ARHGEF33: variants seen among roughly 807,000 people sequenced by gnomAD.
ARHGEF33 encodes Rho guanine nucleotide exchange factor 33.
ARHGEF33 carries 72 observed loss-of-function variants against 101.9 expected under a neutral mutation model. That is an observed-to-expected ratio of 0.71 (90% CI 0.58 to 0.86). The LOEUF is 0.86. Among genes scored for constraint, ARHGEF33 ranks in the 40% least tolerant of loss-of-function variants. The pLI, the probability that ARHGEF33 is intolerant of heterozygous loss-of-function variation, is 0.00. For missense variants in ARHGEF33, 1,169 were observed against 1,111.3 expected, an observed-to-expected ratio of 1.05 and a Z score of -0.74; for synonymous variants, 499 against 442.5, an observed-to-expected ratio of 1.13 and a Z score of -1.60.
At chr2:38,905,763 G>A (rs1666373447) in intron 2 of ARHGEF33, among the ~76,000 whole-genome samples, 2 of 152,240 alleles carry the variant, frequency 1.3e-5, no homozygotes, top group African/African-American at 4.8e-5. Flanking sequence ...AGGAAATGGT[G>A]TGGGGCAGCG....
At chr2:38,904,779 G>A (rs1001745474) in intron 2 of ARHGEF33, among the ~76,000 whole-genome samples, 2 of 151,268 alleles carry the variant, frequency 1.3e-5, no homozygotes, top group Non-Finnish European at 2.9e-5. Flanking sequence ...AGGAACAAAA[G>A]ATCATGTAAG....
rs910147350 is a variant in ARHGEF33, at chr2:38,975,156, T to G, written c.*1313T>G. The stretch of plus-strand genomic sequence containing the variant: ...GATAAAATAGGCAAAGGTTCACATG[T>G]AAGTGTTGCAAGTTTTCTTCTCCTT... On this transcript the variant is annotated 3_prime_UTR_variant, in exon 18 of 18. Coordinates refer to ENST00000409978, the MANE Select transcript of ARHGEF33 (RefSeq NM_001145451.5). 1 of 152,218 alleles carries G rather than the reference T, an allele frequency of 6.6e-6. No individual in the cohort carries two copies. Among genetic ancestry groups the G allele is most frequent in the African/African-American group, 2.4e-5 (1 of 41,458 alleles). 9.4% of individuals were successfully genotyped at this position (152,218 alleles called of 1,614,324 possible). A position where few individuals can be genotyped will look rare whatever the true frequency, so the allele number is the denominator to read the frequency against.
At chr2:38,953,847 TG>T (rs1667673509) in intron 12 of ARHGEF33, among the ~76,000 whole-genome samples, 1 of 152,208 alleles carries the variant, frequency 6.6e-6, no homozygotes, top group Non-Finnish European at 1.5e-5. Flanking sequence ...CCCAGTATAA[TG>T]CCTACCATGT....
chr2:38,894,670 A>G (rs936555492), intron 1 of ARHGEF33, among the ~76,000 whole-genome samples: 4 of 152,190 alleles, frequency 2.6e-5, no homozygotes, highest in Non-Finnish European at 5.9e-5. Flanking sequence ...GCCAGCAGGA[A>G]CGAGGAATGG....
At position 38,967,552 on chromosome 2, in the gene ARHGEF33, A is replaced by G. The variant is rs547706613; in HGVS notation, c.2483+1407A>G. On this transcript the variant is annotated intron_variant, in intron 17 of 17. Transcript: ENST00000409978. ...GGGGTGGGAGAACCTGGAAACAGAC[A>G]CCTCTCCAGCCCACCCTGATTTAGA... Among the ~76,000 whole-genome samples the G allele has an allele frequency of 2.6e-5, 4 of 151,994 alleles. No homozygotes were observed. In the East Asian group the frequency reaches 7.7e-4, roughly 29 times the overall value.
chr2:38,959,776 A>G (rs1667865710), intron 15 of ARHGEF33, 65 bp from the exon 16 acceptor site: 1 of 1,439,488 alleles, frequency 6.9e-7, no homozygotes, highest in African/African-American at 1.4e-5. Context: ...GGGCGCCGGC[A>G]GGCGAGAGGC....
chr2:38,953,118 C>T, intron 11 of ARHGEF33, 44 bp from the exon 12 acceptor site: 1 of 875,822 alleles, frequency 1.1e-6, no homozygotes, highest in South Asian at 1.4e-5. Flanking sequence ...ATTATAGATC[C>T]TGTTTTCAGG....
At chr2:38,945,347 T>C (rs746320708) in intron 10 of ARHGEF33, among the ~76,000 whole-genome samples, 9 of 152,324 alleles carry the variant, frequency 5.9e-5, no homozygotes, top group African/African-American at 2.2e-4. Context: ...CACTACTCCC[T>C]GACAAACCCA....
intron 2 of ARHGEF33, among the ~76,000 whole-genome samples, chr2:38,906,502 G>A (rs1666394990): frequency 6.6e-6 from 1 of 152,112 alleles, no homozygotes; most frequent in Non-Finnish European, 1.5e-5. Context: ...ACTAATTTGT[G>A]GGGTTCAGTA....
intron 2 of ARHGEF33, among the ~76,000 whole-genome samples, chr2:38,899,564 G>T (rs1486717511): frequency 1.3e-5 from 2 of 152,036 alleles, no homozygotes; most frequent in African/African-American, 4.8e-5. Context: ...ATGGGTGAGG[G>T]GGTGGAATGG....
At chr2:38,950,002 C>T (rs951555529) in intron 10 of ARHGEF33, among the ~76,000 whole-genome samples, 1 of 152,172 alleles carries the variant, frequency 6.6e-6, no homozygotes, top group Non-Finnish European at 1.5e-5. Context: ...GAAATTCACC[C>T]TCATGATACA....
At chr2:38,919,619 T>C in intron 3 of ARHGEF33, 147 bp downstream of exon 3, 1 of 895,130 alleles carries the variant, frequency 1.1e-6, no homozygotes. Flanking sequence ...GAATATAGAC[T>C]GGGTGCTGAA....
intron 4 of ARHGEF33, among the ~76,000 whole-genome samples, chr2:38,924,715 A>G (rs1041894474): frequency 6.6e-6 from 1 of 152,222 alleles, no homozygotes; most frequent in Non-Finnish European, 1.5e-5. Context: ...CCATATTGCT[A>G]TAACTTTTCA....
At chr2:38,927,952 T>C (rs188546942) in intron 4 of ARHGEF33, among the ~76,000 whole-genome samples, 21 of 152,360 alleles carry the variant, frequency 1.4e-4, no homozygotes, top group Admixed American at 7.2e-4. Flanking sequence ...CTGTTTGTGC[T>C]TAACTTTTTG....
In ARHGEF33 at chr2:38,929,041, T is replaced by C. The variant is rs1227510146; in HGVS notation, c.210T>C (p.Thr70=). 1 of 1,550,950 alleles carries C rather than the reference T, an allele frequency of 6.4e-7. No individual in the cohort carries two copies. Among genetic ancestry groups the C allele is most frequent in the East Asian group, 2.4e-5 (1 of 40,912 alleles). The part of the protein sequence containing the change: ...SCRCSMEEKV[T]EMKNSLNYFK... ...GATGTTCCATGGAAGAAAAAGTTAC[T>C]GAGATGAAGAATTCATTAAACTATT... is the stretch of plus-strand genomic sequence containing the variant. Residue 70 remains threonine, a synonymous_variant, in exon 5 of 18, where the codon ACT becomes ACC. Coordinates refer to ENST00000409978, the MANE Select transcript of ARHGEF33 (RefSeq NM_001145451.5).
chr2:38,950,751 C>A (rs1237350141), intron 10 of ARHGEF33, among the ~76,000 whole-genome samples: 1 of 152,116 alleles, frequency 6.6e-6, no homozygotes, highest in East Asian at 1.9e-4. Flanking sequence ...TTTATTAGTT[C>A]AATACACATT....
chr2:38,914,273 G>T (rs1273899993), intron 2 of ARHGEF33, among the ~76,000 whole-genome samples: 1 of 152,190 alleles, frequency 6.6e-6, no homozygotes, highest in Non-Finnish European at 1.5e-5. Flanking sequence ...TTGTGGCATT[G>T]TTTGCCATGG....
At chr2:38,907,937 C>CA (rs1305062644) in intron 2 of ARHGEF33, among the ~76,000 whole-genome samples, 1 of 151,090 alleles carries the variant, frequency 6.6e-6, no homozygotes, top group Non-Finnish European at 1.5e-5. Flanking sequence ...TGACTCACTG[C>CA]AGCCTTGACC....
chr2:38,958,294 C>T (rs1667825657), intron 15 of ARHGEF33, 96 bp downstream of exon 15: 1 of 1,448,450 alleles, frequency 6.9e-7, no homozygotes. Flanking sequence ...CCTCCATCCC[C>T]TTTCCCCATC....
Sources: gnomAD v4.1 joint callset for allele counts (sites outside exome capture counted in the v4.1 genomes callset) on GRCh38, gnomAD v4.1.1 for gene constraint, MANE v1.5 for transcripts, NCBI Gene and HGNC (gene_info 2026-07-23, HGNC 2026-07-21) for gene names.